ESYT2: variants seen among roughly 807,000 people sequenced by gnomAD.
The protein encoded by ESYT2 is extended synaptotagmin 2.
Under a neutral mutation model 107.2 loss-of-function variants are expected in ESYT2, and 54 were observed. The ratio of observed to expected loss-of-function variants is 0.50; its 90% CI spans 0.40 to 0.63. ESYT2 has a LOEUF of 0.63. ESYT2 is among the 30% of genes least tolerant of loss of function. The pLI is 0.00. For synonymous variants in ESYT2, 491 were observed against 434.1 expected, an observed-to-expected ratio of 1.13 and a Z score of -1.63; for missense variants, 1,020 against 1,094.5, an observed-to-expected ratio of 0.93 and a Z score of 0.96.
chr7:158,761,384 A>T, intron 11 of ESYT2, 112 bp downstream of exon 11: 1 of 841,756 alleles, frequency 1.2e-6, no homozygotes, highest in Non-Finnish European at 2.0e-6. Flanking sequence ...ATGCCATACT[A>T]ATTAGGATTC....
At chr7:158,818,772 C>G (rs1213827809) in intron 1 of ESYT2, among the ~76,000 whole-genome samples, 1 of 152,232 alleles carries the variant, frequency 6.6e-6, no homozygotes, top group Non-Finnish European at 1.5e-5. Flanking sequence ...CTGACTCACC[C>G]AAGGGCAGGG....
intron 1 of ESYT2, among the ~76,000 whole-genome samples, chr7:158,813,413 C>A (rs1840042942): frequency 6.6e-6 from 1 of 152,196 alleles, no homozygotes; most frequent in Non-Finnish European, 1.5e-5. Context: ...CTGTGGGCTT[C>A]AGACTAGTAT....
intron 14 of ESYT2, among the ~76,000 whole-genome samples, chr7:158,751,442 T>C (rs1837580833): frequency 6.6e-6 from 1 of 152,180 alleles, no homozygotes. Context: ...AGGGACAAAG[T>C]ATAATAAAAA....
At chr7:158,742,080 TCC>T (rs112870752) in intron 17 of ESYT2, among the ~76,000 whole-genome samples, 184 bp from the exon 18 acceptor site, 14 of 152,316 alleles carry the variant, frequency 9.2e-5, no homozygotes, top group Middle Eastern at 3.4e-3. Context: ...ACCACTTTTT[TCC>T]CAGAGATGAG....
Position 158,799,758 on chromosome 7 carries a change from T to C in ESYT2, c.331-686A>G, listed in dbSNP as rs965335516. 3.3e-5 allele frequency among the ~76,000 whole-genome samples: 5 copies of C among 152,298 alleles called. No individual in the cohort carries two copies. The South Asian group carries it at 6.2e-4, about 19-fold the overall frequency. ...CCTCTCCATACCATCATCTCCCACC[T>C]TCACCCAGATAGGGATCCCTCTTAC... On this transcript the variant is annotated intron_variant, in intron 1 of 22. Coordinates refer to ENST00000275418, the MANE Select transcript of ESYT2 (RefSeq NM_001367773.1).
intron 1 of ESYT2, among the ~76,000 whole-genome samples, chr7:158,820,172 G>A (rs577151702): frequency 6.6e-6 from 1 of 152,228 alleles, no homozygotes; most frequent in South Asian, 2.1e-4. Context: ...TTTTTTCTTG[G>A]ATTTTAAAAA....
chr7:158,738,344 G>GACAC lies in ESYT2; in HGVS notation c.2267+675_2267+678dup, dbSNP rs199580275. 4.5e-3 allele frequency among the ~76,000 whole-genome samples: 589 copies of GACAC among 131,344 alleles called. 26 individuals are homozygous for GACAC. The highest frequency in any genetic ancestry group is 0.015 in the African/African-American group (508 of 33,152). The allele number at this position is 131,344 out of a possible 152,430, so 86.2% of individuals were successfully genotyped here. ...AAAAAAAAATACACACACACACACA[G>GACAC]ACACACACACACACACACACACACA... On this transcript the variant is annotated intron_variant, in intron 19 of 22. Transcript: ENST00000275418.
chr7:158,795,595 C>T (rs552804180), intron 3 of ESYT2, among the ~76,000 whole-genome samples: 1 of 116,206 alleles, frequency 8.6e-6, no homozygotes, highest in African/African-American at 3.8e-5. Context: ...CACGTACAGA[C>T]AGAGCATGCA....
chr7:158,752,814 G>A lies in ESYT2; in HGVS notation c.1449C>T (p.Val483=). 1 of 1,304,164 alleles carries A rather than the reference G, an allele frequency of 7.7e-7. No homozygotes were observed. The highest frequency in any genetic ancestry group is 1.0e-6 in the Non-Finnish European group (1 of 988,974). 80.8% of individuals were successfully genotyped at this position (1,304,164 alleles called of 1,614,324 possible). ...PSNPLEFNPD[V]LKKTAVQRAL... The stretch of plus-strand genomic sequence containing the variant: ...CTCTCTGAACTGCAGTCTTCTTCAA[G>A]ACATCGGGGTTAAATTCTAATGGGT... The change falls in exon 14 of 23, where the codon GTC becomes GTT. Residue 483 remains valine (V), a synonymous_variant. Coordinates refer to ENST00000275418, the MANE Select transcript of ESYT2 (RefSeq NM_001367773.1).
At chr7:158,768,195 ACATAT>A (rs1380848327) in intron 7 of ESYT2, among the ~76,000 whole-genome samples, 1 of 152,206 alleles carries the variant, frequency 6.6e-6, no homozygotes, top group African/African-American at 2.4e-5. Flanking sequence ...TTTCAAACAT[ACATAT>A]AAGTACAGAG....
rs996943125 is a variant in ESYT2, at chr7:158,763,250, G to A, written c.1102-85C>T. The A allele has an allele frequency of 1.0e-5, 8 of 770,786 alleles. No individual in the cohort carries two copies. The Admixed American group carries it at 1.7e-4, about 17-fold the overall frequency. The allele number at this position is 770,786 out of a possible 1,614,324, so 47.7% of individuals were successfully genotyped here. A position where few individuals can be genotyped will look rare whatever the true frequency, so the allele number is the denominator to read the frequency against. Reference sequence around the variant, plus strand: ...ATGATATGATGATTGTAGTAAATATGACCAGGTACTTTTCTCTGGTGGTAA... The same window carrying A: ...ATGATATGATGATTGTAGTAAATATAACCAGGTACTTTTCTCTGGTGGTAA... On this transcript the variant is annotated intron_variant, in intron 9 of 22. Transcript: ENST00000275418.
intron 6 of ESYT2, among the ~76,000 whole-genome samples, chr7:158,787,468 C>T (rs1839151521): frequency 6.6e-6 from 1 of 152,152 alleles, no homozygotes. Context: ...GAGATGCATG[C>T]TAATGACAGC....
chr7:158,780,908 G>C (rs1006018372), intron 6 of ESYT2, among the ~76,000 whole-genome samples: 5 of 152,224 alleles, frequency 3.3e-5, no homozygotes, highest in Non-Finnish European at 7.3e-5. Flanking sequence ...AGTGGAAAGA[G>C]AGAAAGGAAA....
At position 158,741,734 on chromosome 7, in the gene ESYT2, T is replaced by C. The variant is rs567251839; in HGVS notation, c.1957A>G (p.Ile653Val). The C allele has an allele frequency of 9.3e-6, 15 of 1,613,926 alleles. No homozygotes were observed. Among genetic ancestry groups the C allele is most frequent in the Non-Finnish European group, 1.3e-5 (15 of 1,180,006 alleles). Residue 653 changes from isoleucine to valine, a missense_variant, in exon 18 of 23, where the codon ATT (isoleucine) becomes GTT (valine). Physicochemically the swap from Ile to Val is conservative, Grantham distance 29. Coordinates refer to ENST00000275418, the MANE Select transcript of ESYT2 (RefSeq NM_001367773.1). ...GSNTAPSTPVIGGSDKPGMEE... is the reference protein window; with the variant it reads ...GSNTAPSTPVVGGSDKPGMEE... Reference sequence around the variant, plus strand: ...ATACCAGGCTTATCACTGCCCCCAATGACTGGTGTGGATGGAGCTGTGTTG... The same window carrying C: ...ATACCAGGCTTATCACTGCCCCCAACGACTGGTGTGGATGGAGCTGTGTTG...
At chr7:158,780,263 C>T (rs1838726934) in intron 6 of ESYT2, among the ~76,000 whole-genome samples, 1 of 152,218 alleles carries the variant, frequency 6.6e-6, no homozygotes, top group African/African-American at 2.4e-5. Flanking sequence ...GCTCCAAGCC[C>T]ACTGCCTGCG....
chr7:158,747,102 T>C (rs990119779), intron 16 of ESYT2, among the ~76,000 whole-genome samples: 7 of 151,488 alleles, frequency 4.6e-5, no homozygotes, highest in African/African-American at 1.2e-4. Context: ...TCCCAGCACG[T>C]TGGGAGGCCA....
intron 8 of ESYT2, among the ~76,000 whole-genome samples, chr7:158,766,147 C>T (rs942219331): frequency 9.3e-5 from 14 of 151,218 alleles, no homozygotes; most frequent in African/African-American, 2.7e-4. Context: ...CCAGCCTGGG[C>T]GACAGAGCGA....
intron 1 of ESYT2, among the ~76,000 whole-genome samples, chr7:158,812,124 C>A (rs537648110): frequency 6.6e-6 from 1 of 152,324 alleles, no homozygotes; most frequent in South Asian, 2.1e-4. Context: ...CAGGCCGGCT[C>A]AGACCCACCC....
At chr7:158,778,450 TAA>T (rs1838647609) in intron 6 of ESYT2, among the ~76,000 whole-genome samples, 1 of 128,692 alleles carries the variant, frequency 7.8e-6, no homozygotes, top group African/African-American at 3.0e-5. Context: ...GTATTATGGA[TAA>T]AAATGTAAAA....
Sources: allele counts gnomAD v4.1 joint callset (sites outside exome capture counted in the v4.1 genomes callset), GRCh38; gene constraint gnomAD v4.1.1; transcripts MANE v1.5; gene names NCBI Gene and HGNC (gene_info 2026-07-23, HGNC 2026-07-21).